Variants in EMC8 observed in about 807,000 individuals in gnomAD.
EMC8 encodes the protein ER membrane protein complex subunit 8.
Under a neutral mutation model 24.3 loss-of-function variants are expected in EMC8, and 11 were observed. The ratio of observed to expected loss-of-function variants is 0.45; its 90% CI spans 0.28 to 0.75. EMC8 has a LOEUF of 0.75. EMC8 is among the 30% of genes least tolerant of loss of function. The pLI, the probability that EMC8 is intolerant of heterozygous loss-of-function variation, is 0.12. For synonymous variants in EMC8, 145 were observed against 117.7 expected, an observed-to-expected ratio of 1.23 and a Z score of -1.50; for missense variants, 277 against 282.7, an observed-to-expected ratio of 0.98 and a Z score of 0.14.
chr16:85,798,048 C>G (rs985475042), intron 1 of EMC8, among the ~76,000 whole-genome samples: 14 of 148,516 alleles, frequency 9.4e-5, no homozygotes, highest in Non-Finnish European at 1.8e-4. Context: ...GCTGTCATTG[C>G]AAACAAAAAC....
chr16:85,788,728 G>A (rs553959957), intron 2 of EMC8, among the ~76,000 whole-genome samples: 102 of 152,348 alleles, frequency 6.7e-4, no homozygotes, highest in African/African-American at 2.4e-3. Context: ...CGCTTTCATT[G>A]TATGAATTCC....
intron 2 of EMC8, among the ~76,000 whole-genome samples, chr16:85,788,333 G>A (rs899383494): frequency 6.6e-6 from 1 of 152,206 alleles, no homozygotes; most frequent in Non-Finnish European, 1.5e-5. Flanking sequence ...TTTACAGCAC[G>A]ACCCCCTGTG....
intron 2 of EMC8, among the ~76,000 whole-genome samples, chr16:85,782,239 G>A (rs943493413): frequency 3.3e-5 from 5 of 152,204 alleles, no homozygotes; most frequent in Admixed American, 6.5e-5. Flanking sequence ...AGGGCAGCTG[G>A]CAGTCCGTCA....
At chr16:85,795,850 C>T (rs1340604027) in intron 1 of EMC8, among the ~76,000 whole-genome samples, 1 of 152,180 alleles carries the variant, frequency 6.6e-6, no homozygotes, top group Non-Finnish European at 1.5e-5. Context: ...GAGCCCTCAA[C>T]CCGTGGGCTC....
At chr16:85,796,263 CCAT>C (rs954678126) in intron 1 of EMC8, among the ~76,000 whole-genome samples, 14 of 152,176 alleles carry the variant, frequency 9.2e-5, no homozygotes, top group African/African-American at 3.4e-4. Flanking sequence ...CACCAGTGCA[CCAT>C]CGTCCCAGCG....
Position 85,799,355 on chromosome 16 carries a change from C to G in EMC8, c.-60G>C. 2 of 1,127,176 alleles carry G rather than the reference C, an allele frequency of 1.8e-6. No individual in the cohort carries two copies. Among genetic ancestry groups the G allele is most frequent in the Non-Finnish European group, 2.4e-6 (2 of 836,916 alleles). The allele number at this position is 1,127,176 out of a possible 1,614,324, so 69.8% of individuals were successfully genotyped here. On this transcript the variant is annotated 5_prime_UTR_variant, in exon 1 of 5. Transcript: ENST00000253457. The surrounding 1 kb of genome is among the most constrained non-coding windows in gnomAD (Gnocchi z 4.2). ...CGCGGCTGAGGCCTGGACCCGCTGCCTGGCCGCGCGGCGCCTCAGCCGAGA... is the reference window on the plus strand; with the variant it reads ...CGCGGCTGAGGCCTGGACCCGCTGCGTGGCCGCGCGGCGCCTCAGCCGAGA...
chr16:85,798,401 G>A (rs1330042910), intron 1 of EMC8, among the ~76,000 whole-genome samples: 1 of 151,796 alleles, frequency 6.6e-6, no homozygotes, highest in African/African-American at 2.4e-5. Context: ...GGATTACAGG[G>A]GTCAGCCACC....
chr16:85,796,751 C>A (rs1249225186), intron 1 of EMC8, among the ~76,000 whole-genome samples: 1 of 152,204 alleles, frequency 6.6e-6, no homozygotes, highest in African/African-American at 2.4e-5. Flanking sequence ...TCCCCCACCT[C>A]CTGAGGGTCA....
chr16:85,780,772 T>A (rs1241427747), intron 3 of EMC8: 3 of 492,982 alleles, frequency 6.1e-6, no homozygotes, highest in Non-Finnish European at 1.1e-5. Context: ...CTTGATGTCA[T>A]CTGCTCACAT....
chr16:85,784,836 A>C (rs1904679205), intron 2 of EMC8: 1 of 152,158 alleles, frequency 6.6e-6, no homozygotes, highest in Admixed American at 6.5e-5. Flanking sequence ...TTACCCTCCT[A>C]CTTAACACTG....
chr16:85,797,131 A>G (rs527413184), intron 1 of EMC8, among the ~76,000 whole-genome samples: 10 of 152,222 alleles, frequency 6.6e-5, no homozygotes, highest in Non-Finnish European at 1.2e-4. Context: ...GGAAAGGCTG[A>G]GCGCAGTGGC....
chr16:85,791,612 A>G (rs770155979), intron 1 of EMC8, among the ~76,000 whole-genome samples: 2 of 152,192 alleles, frequency 1.3e-5, no homozygotes, highest in African/African-American at 2.4e-5. Flanking sequence ...ATGCCAGCCA[A>G]AATTTTTTAT....
At chr16:85,779,907 A>T (rs1452046074) in intron 4 of EMC8, 40 bp from the exon 5 acceptor site, 2 of 1,604,328 alleles carry the variant, frequency 1.2e-6, no homozygotes, top group South Asian at 2.2e-5. Context: ...CTAACAGTGA[A>T]AACGGGCGGC....
rs879243778 is a variant in EMC8 at position 85,779,054 on chromosome 16, G to C, written c.*654C>G. 2 of 152,244 alleles carry C rather than the reference G, an allele frequency of 1.3e-5. No homozygotes were observed. The highest frequency in any genetic ancestry group is 4.1e-4 in the South Asian group (2 of 4,832). The allele number at this position is 152,244 out of a possible 1,614,324, so 9.4% of individuals were successfully genotyped here. On this transcript the variant is annotated 3_prime_UTR_variant, in exon 5 of 5. Transcript: ENST00000253457. ...GCACCACACTGAGCTCCTGCTACCA[G>C]AGATGTCTGCTTTTGCCCCTAACGA...
At chr16:85,798,569 T>C (rs913074143) in intron 1 of EMC8, 4 of 156,930 alleles carry the variant, frequency 2.5e-5, no homozygotes. Context: ...GATCTGACCA[T>C]GCAACTACCT....
Position 85,799,268 on chromosome 16 carries a change from C to A in EMC8, c.28G>T (p.Ala10Ser). 1 of 1,610,390 alleles carries A rather than the reference C, an allele frequency of 6.2e-7. No homozygotes were observed. Among genetic ancestry groups the A allele is most frequent in the Non-Finnish European group, 8.5e-7 (1 of 1,179,408 alleles). Residue 10 changes from alanine to serine, a missense_variant, in exon 1 of 5, where the codon GCC (alanine) becomes TCC (serine). By Grantham distance (99) the Ala-to-Ser change is moderately conservative. Transcript: ENST00000253457. This position sits in a 1 kb window ranked among gnomAD's most constrained non-coding sequence, Gnocchi z 4.2. MPGVKLTTQAYCKMVLHGAK... is the reference protein window; with the variant it reads MPGVKLTTQSYCKMVLHGAK... Reference sequence around the variant, plus strand: ...CCGTGCAGCACCATCTTGCAGTAGGCCTGGGTGGTCAGTTTCACCCCGGGC... The same window carrying A: ...CCGTGCAGCACCATCTTGCAGTAGGACTGGGTGGTCAGTTTCACCCCGGGC...
At chr16:85,786,544 AAAC>A (rs1367812192) in intron 2 of EMC8, among the ~76,000 whole-genome samples, 1 of 152,182 alleles carries the variant, frequency 6.6e-6, no homozygotes, top group African/African-American at 2.4e-5. Flanking sequence ...TGTCCTCCTC[AAAC>A]AACTGGGCAC....
Position 85,778,863 on chromosome 16 carries a change from C to T in EMC8, c.*845G>A, listed in dbSNP as rs1391663645. ...TACCATAAAGTTTCCCTCTCAATTCCCTAAGGTTTGGTTACAAAACTTGAC... is the reference window on the plus strand; with the variant it reads ...TACCATAAAGTTTCCCTCTCAATTCTCTAAGGTTTGGTTACAAAACTTGAC... On this transcript the variant is annotated 3_prime_UTR_variant, in exon 5 of 5. Transcript: ENST00000253457. 1.3e-5 allele frequency: 2 copies of T among 152,120 alleles called. No homozygotes were observed. Among genetic ancestry groups the T allele is most frequent in the African/African-American group, 4.8e-5 (2 of 41,420 alleles). 9.4% of individuals were successfully genotyped at this position (152,120 alleles called of 1,614,324 possible).
In EMC8 at chr16:85,779,672, T is replaced by G. The variant is rs752199896; in HGVS notation, c.*36A>C. On this transcript the variant is annotated 3_prime_UTR_variant, in exon 5 of 5. Transcript: ENST00000253457. ...AAATAGGTTTTCTTCTTCAACGTAG[T>G]GGAAAGGCCCGGAGCCCAGTCACAG... 31 of 1,602,324 alleles carry G rather than the reference T, an allele frequency of 1.9e-5. No homozygotes were observed. The highest frequency in any genetic ancestry group is 2.5e-5 in the Non-Finnish European group (29 of 1,169,772).
Sources: allele counts gnomAD v4.1 joint callset (sites outside exome capture counted in the v4.1 genomes callset), GRCh38; gene constraint gnomAD v4.1.1; non-coding constraint Gnocchi (gnomAD v3.1); transcripts MANE v1.5; gene names NCBI Gene and HGNC (gene_info 2026-07-23, HGNC 2026-07-21).